AP3B1: variants seen among roughly 807,000 people sequenced by gnomAD.
AP3B1 encodes adaptor related protein complex 3 subunit beta 1.
Under a neutral mutation model 132.5 loss-of-function variants are expected in AP3B1, and 61 were observed. The ratio of observed to expected loss-of-function variants is 0.46; its 90% CI spans 0.37 to 0.57. The LOEUF (loss-of-function observed/expected upper bound fraction) is 0.57. Among genes scored for constraint, AP3B1 ranks in the 20% least tolerant of loss-of-function variants. The pLI, the probability that AP3B1 is intolerant of heterozygous loss-of-function variation, is 0.00. For missense variants in AP3B1, 1,120 were observed against 1,289.4 expected (o/e 0.87, Z 2.01); for synonymous variants, 388 against 438.3 (o/e 0.89, Z 1.43).
At chr5:78,110,904 A>G (rs562396198) in intron 19 of AP3B1, among the ~76,000 whole-genome samples, 39 of 152,040 alleles carry the variant, frequency 2.6e-4, no homozygotes, top group Admixed American at 2.2e-3. Flanking sequence ...GACTACAGGC[A>G]TGCACCACCA....
At chr5:78,165,557 T>G in intron 12 of AP3B1, 53 bp downstream of exon 12, 1 of 1,258,206 alleles carries the variant, frequency 7.9e-7, no homozygotes, top group South Asian at 1.2e-5. Context: ...GATGCATATT[T>G]AAGACTGAAC....
intron 7 of AP3B1, among the ~76,000 whole-genome samples, chr5:78,204,304 G>T (rs552412953): frequency 6.6e-6 from 1 of 152,186 alleles, no homozygotes; most frequent in Non-Finnish European, 1.5e-5. Flanking sequence ...TACATTCTTT[G>T]TTGCATGTGG....
chr5:78,137,617 C>T (rs1459911952), intron 15 of AP3B1, among the ~76,000 whole-genome samples: 1 of 152,142 alleles, frequency 6.6e-6, no homozygotes, highest in Non-Finnish European at 1.5e-5. Context: ...ATGAATTTCC[C>T]TCCAGATTCT....
intron 8 of AP3B1, among the ~76,000 whole-genome samples, chr5:78,179,094 C>G (rs1277362230): frequency 6.6e-6 from 1 of 152,074 alleles, no homozygotes; most frequent in South Asian, 2.1e-4. Flanking sequence ...AATAAACTCT[C>G]CTGAATTTTA....
At chr5:78,264,816 G>C (rs1428002989) in intron 2 of AP3B1, among the ~76,000 whole-genome samples, 3 of 152,142 alleles carry the variant, frequency 2.0e-5, no homozygotes, top group African/African-American at 4.8e-5. Context: ...TAATTTTCCT[G>C]TTTTGACAAA....
intron 26 of AP3B1, among the ~76,000 whole-genome samples, chr5:78,006,492 T>A (rs777819301): frequency 2.0e-5 from 3 of 152,200 alleles, no homozygotes; most frequent in Admixed American, 6.5e-5. Context: ...TCCTCATATA[T>A]TTTACATTTC....
chr5:78,010,167 G>A (rs1002213904), intron 26 of AP3B1, among the ~76,000 whole-genome samples: 2 of 152,196 alleles, frequency 1.3e-5, no homozygotes, highest in East Asian at 3.8e-4. Flanking sequence ...TCTGGGATAT[G>A]TGTAAGAAAA....
intron 15 of AP3B1, 70 bp downstream of exon 15, chr5:78,141,073 A>ACC: frequency 7.0e-7 from 1 of 1,422,706 alleles, no homozygotes; most frequent in Non-Finnish European, 9.9e-7. Flanking sequence ...GAAGGCACAG[A>ACC]CCCCCGCTGT....
chr5:78,069,893 A>G (rs940248848), intron 22 of AP3B1, among the ~76,000 whole-genome samples: 1 of 152,184 alleles, frequency 6.6e-6, no homozygotes, highest in African/African-American at 2.4e-5. Flanking sequence ...GTACTGGTAC[A>G]AAAACAGACA....
chr5:78,037,750 A>G (rs1747865393), intron 23 of AP3B1, among the ~76,000 whole-genome samples: 1 of 152,212 alleles, frequency 6.6e-6, no homozygotes, highest in Admixed American at 6.5e-5. Flanking sequence ...CTTAAGTATT[A>G]TAAAAAGGAG....
At chr5:78,123,715 T>G (rs1352894059) in intron 17 of AP3B1, among the ~76,000 whole-genome samples, 3 of 151,852 alleles carry the variant, frequency 2.0e-5, no homozygotes, top group African/African-American at 7.3e-5. Flanking sequence ...CTGGAGAGGA[T>G]GTGGAGAAAT....
In AP3B1 at chr5:78,089,422, G is replaced by T. The variant is rs201936976; in HGVS notation, c.2548C>A (p.His850Asn). The change falls in exon 22 of 27, where the codon CAC becomes AAC. Residue 850 changes from histidine (H) to asparagine (N), a missense_variant. Physicochemically the swap from His to Asn is moderately conservative, Grantham distance 68 (BLOSUM62 1). Transcript: ENST00000255194. Reference protein sequence around the residue: ...PSLMADLEGLHLSTSSSVISV... With the variant: ...PSLMADLEGLNLSTSSSVISV... Reference sequence around the variant, plus strand: ...ATGACTGAAGAGGAAGTTGACAAGTGTAAACCTTCAAGATCAGCCATCAAA... The same window carrying T: ...ATGACTGAAGAGGAAGTTGACAAGTTTAAACCTTCAAGATCAGCCATCAAA... 1.1e-5 allele frequency: 17 copies of T among 1,612,840 alleles called. No homozygotes were observed. Among genetic ancestry groups the T allele is most frequent in the Middle Eastern group, 1.7e-4 (1 of 6,058 alleles).
chr5:78,098,304 T>TA (rs57213410), intron 21 of AP3B1, among the ~76,000 whole-genome samples: 19 of 144,500 alleles, frequency 1.3e-4, no homozygotes, highest in African/African-American at 1.8e-4. Context: ...AAATAAAAAA[T>TA]AAAAAAAAAA....
At chr5:78,219,125 A>G (rs1437171354) in intron 6 of AP3B1, among the ~76,000 whole-genome samples, 1 of 152,116 alleles carries the variant, frequency 6.6e-6, no homozygotes, top group Non-Finnish European at 1.5e-5. Flanking sequence ...AGCAAAAATC[A>G]AAAAGAGGAA....
chr5:78,226,517 T>C (rs1175939780), intron 5 of AP3B1, among the ~76,000 whole-genome samples: 1 of 152,120 alleles, frequency 6.6e-6, no homozygotes, highest in Non-Finnish European at 1.5e-5. Context: ...ATTGCTAGTG[T>C]ACCTTTGTAT....
intron 18 of AP3B1, among the ~76,000 whole-genome samples, chr5:78,114,801 C>A (rs1751753861): frequency 6.6e-6 from 1 of 152,078 alleles, no homozygotes; most frequent in African/African-American, 2.4e-5. Flanking sequence ...CCTAGGACTG[C>A]CTGTATTGTT....
intron 7 of AP3B1, among the ~76,000 whole-genome samples, chr5:78,203,154 T>A (rs1024483891): frequency 6.6e-6 from 1 of 152,178 alleles, no homozygotes; most frequent in African/African-American, 2.4e-5. Context: ...CTCTCAAGAT[T>A]CTCTTTTTGT....
chr5:78,182,499 G>A (rs1165174032), intron 7 of AP3B1, among the ~76,000 whole-genome samples: 4 of 152,112 alleles, frequency 2.6e-5, no homozygotes, highest in African/African-American at 9.7e-5. Flanking sequence ...GCAAAAAGGA[G>A]GAGCACTGGA....
chr5:78,292,398 A>C (rs967896602), intron 1 of AP3B1, among the ~76,000 whole-genome samples: 3 of 152,188 alleles, frequency 2.0e-5, no homozygotes, highest in Non-Finnish European at 4.4e-5. Flanking sequence ...TAAAGTTTTA[A>C]ACTTTTTGTG....
Sources: gnomAD v4.1 joint callset for allele counts (sites outside exome capture counted in the v4.1 genomes callset) on GRCh38, gnomAD v4.1.1 for gene constraint, MANE v1.5 for transcripts, NCBI Gene and HGNC (gene_info 2026-07-23, HGNC 2026-07-21) for gene names.